Variants in RUFY1 observed in about 807,000 individuals in gnomAD.
RUFY1 encodes RUN and FYVE domain containing 1.
RUFY1 carries 54 observed loss-of-function variants against 94.6 expected under a neutral mutation model. The observed-to-expected ratio is 0.57, with a 90% confidence interval of 0.46 to 0.72. RUFY1 has a LOEUF of 0.72. Ranked by LOEUF, RUFY1 falls within the 30% of genes least tolerant of loss-of-function variation. The pLI is 0.00. For missense variants in RUFY1, 883 were observed against 883.9 expected (o/e 1.00, Z 0.01); for synonymous variants, 396 against 347.3 (o/e 1.14, Z -1.56).
chr5:179,585,812 C>T lies in RUFY1; in HGVS notation c.973C>T (p.Leu325Phe). The T allele has an allele frequency of 6.2e-7, 1 of 1,613,144 alleles. No homozygotes were observed. Among genetic ancestry groups the T allele is most frequent in the Non-Finnish European group, 8.5e-7 (1 of 1,179,130 alleles). ...NRHLSCTVGD[L>F]QTKIDGLEKT... Reference sequence around the variant, plus strand: ...TTTCTACAGCTGCACAGTTGGGGATCTTCAAACCAAGATAGATGGCTTGGA... The same window carrying T: ...TTTCTACAGCTGCACAGTTGGGGATTTTCAAACCAAGATAGATGGCTTGGA... Residue 325 changes from leucine (L) to phenylalanine (F), a missense_variant, in exon 8 of 18, where the codon CTT (leucine) becomes TTT (phenylalanine). Transcript: ENST00000319449.
intron 14 of RUFY1, chr5:179,599,556 G>A (rs1255518993): frequency 6.6e-6 from 1 of 152,578 alleles, no homozygotes; most frequent in African/African-American, 2.4e-5. Flanking sequence ...GGCGAGAGAA[G>A]TGGGGTCCAG....
intron 13 of RUFY1, chr5:179,598,414 G>A (rs930961552): frequency 3.3e-5 from 13 of 389,536 alleles, no homozygotes; most frequent in South Asian, 1.6e-4. Flanking sequence ...TCTCCATGTC[G>A]GGAGGGTTCT....
At chr5:179,602,063 C>T in intron 15 of RUFY1, 77 bp downstream of exon 15, 3 of 1,238,128 alleles carry the variant, frequency 2.4e-6, no homozygotes, top group South Asian at 1.2e-5. Flanking sequence ...CCCAAACCTA[C>T]CTCCTTTTGG....
intron 9 of RUFY1, among the ~76,000 whole-genome samples, chr5:179,590,116 G>A (rs563345996): frequency 6.6e-6 from 1 of 152,240 alleles, no homozygotes; most frequent in East Asian, 1.9e-4. Flanking sequence ...CACTTTGGGA[G>A]GCCGAGGCGG....
chr5:179,598,411 G>T (rs766481488), intron 13 of RUFY1: 5 of 389,484 alleles, frequency 1.3e-5, no homozygotes, highest in Non-Finnish European at 1.9e-5. Context: ...AGGTCTCCAT[G>T]TCGGGAGGGT....
intron 1 of RUFY1, among the ~76,000 whole-genome samples, chr5:179,554,171 C>T (rs149484802): frequency 2.0e-5 from 3 of 152,312 alleles, no homozygotes; most frequent in East Asian, 1.9e-4. Flanking sequence ...GAGCAGCACT[C>T]TTGCTGGATG....
intron 12 of RUFY1, 86 bp from the exon 13 acceptor site, chr5:179,596,475 AT>A: frequency 7.2e-6 from 11 of 1,528,552 alleles, no homozygotes; most frequent in Non-Finnish European, 1.0e-5. Context: ...CTGTATGGTA[AT>A]TTTAAAAATG....
At chr5:179,591,449 G>T (rs1287558844) in intron 9 of RUFY1, among the ~76,000 whole-genome samples, 176 bp from the exon 10 acceptor site, 1 of 152,214 alleles carries the variant, frequency 6.6e-6, no homozygotes, top group Non-Finnish European at 1.5e-5. Context: ...CTCCCAAAGT[G>T]CTGGGATTAC....
Position 179,554,247 on chromosome 5 carries a change from G to A in RUFY1, c.310+3368G>A, listed in dbSNP as rs143935792. Among the ~76,000 whole-genome samples, 571 of 152,274 alleles carry A rather than the reference G, an allele frequency of 3.7e-3. 5 individuals carry two copies. Among genetic ancestry groups the A allele is most frequent in the African/African-American group, 0.013 (557 of 41,560 alleles). ...ATATTTTGAATACTTGTTTTAAAAT[G>A]TTGTCCCGGTCGGGTGCAGTGGCTC... On this transcript the variant is annotated intron_variant, in intron 1 of 17. Transcript: ENST00000319449.
At chr5:179,569,447 A>C in intron 5 of RUFY1, 22 bp downstream of exon 5, 1 of 1,612,836 alleles carries the variant, frequency 6.2e-7, no homozygotes, top group Non-Finnish European at 8.5e-7. Flanking sequence ...TTTTGGCTCT[A>C]GATGAACACT....
chr5:179,565,164 C>CTTTTTTTTT (rs138223106), intron 3 of RUFY1, among the ~76,000 whole-genome samples: 1 of 71,926 alleles, frequency 1.4e-5, no homozygotes, highest in Non-Finnish European at 2.5e-5. Context: ...TCTAGGTTTT[C>CTTTTTTTTT]TTTTTTTTTT....
chr5:179,563,652 C>A (rs903952047), intron 3 of RUFY1, among the ~76,000 whole-genome samples: 1 of 152,168 alleles, frequency 6.6e-6, no homozygotes, highest in Non-Finnish European at 1.5e-5. Context: ...TTTGCACCTG[C>A]CAAGCTTTCA....
Position 179,562,680 on chromosome 5 carries a change from T to G in RUFY1, c.602+16T>G, listed in dbSNP as rs2127514681. The stretch of plus-strand genomic sequence containing the variant: ...CAGAATTAAAGTGAGTGAGAAGTAG[T>G]TCTGCCAATTTGATGATTTTAAAAA... On this transcript the variant is annotated intron_variant, in intron 3 of 17. Transcript: ENST00000319449. The G allele has an allele frequency of 3.1e-6, 4 of 1,272,044 alleles. No homozygotes were observed. The African/African-American group carries it at 5.9e-5, about 19-fold the overall frequency. The allele number at this position is 1,272,044 out of a possible 1,614,324, so 78.8% of individuals were successfully genotyped here.
intron 17 of RUFY1, 44 bp downstream of exon 17, chr5:179,607,703 G>A: frequency 5.9e-6 from 9 of 1,523,678 alleles, no homozygotes; most frequent in Non-Finnish European, 8.2e-6. Context: ...CTGAGTCGTT[G>A]CCCGCTGGAT....
intron 2 of RUFY1, among the ~76,000 whole-genome samples, chr5:179,562,158 T>A (rs1025526544): frequency 3.3e-5 from 5 of 151,234 alleles, no homozygotes; most frequent in Non-Finnish European, 7.4e-5. Context: ...TCACGCCTGT[T>A]ATCCCAGCAC....
chr5:179,568,500 A>G (rs1240965007), intron 4 of RUFY1, among the ~76,000 whole-genome samples: 1 of 152,246 alleles, frequency 6.6e-6, no homozygotes, highest in Non-Finnish European at 1.5e-5. Context: ...TCTTTACACG[A>G]CAAATACTGA....
chr5:179,602,124 C>T, intron 15 of RUFY1, 138 bp downstream of exon 15: 1 of 681,240 alleles, frequency 1.5e-6, no homozygotes. Context: ...CACGGATGAG[C>T]TCTCAGGAAG....
At chr5:179,581,686 CT>C (rs140137888) in intron 7 of RUFY1, among the ~76,000 whole-genome samples, 201 of 141,250 alleles carry the variant, frequency 1.4e-3, no homozygotes, top group Admixed American at 1.8e-3. Context: ...TTTTACTTTT[CT>C]TTTTTTTTTT....
chr5:179,568,950 C>A, intron 4 of RUFY1: 1 of 759,746 alleles, frequency 1.3e-6, no homozygotes, highest in Non-Finnish European at 1.6e-6. Context: ...TTTATATCAG[C>A]ATAAGTGGAG....
Sources: gnomAD v4.1 joint callset for allele counts (sites outside exome capture counted in the v4.1 genomes callset) on GRCh38, gnomAD v4.1.1 for gene constraint, MANE v1.5 for transcripts, NCBI Gene and HGNC (gene_info 2026-07-23, HGNC 2026-07-21) for gene names.